Variants in GPC6 observed in about 807,000 individuals in gnomAD.
GPC6 encodes the protein glypican 6, also known as glypican-6.
GPC6 carries 14 observed loss-of-function variants against 55.2 expected under a neutral mutation model. The observed-to-expected ratio is 0.25, with a 90% CI of 0.17 to 0.40. GPC6 has a LOEUF of 0.40. GPC6 is among the 10% of genes least tolerant of loss of function. The probability of loss-of-function intolerance (pLI) is 1.00; values close to 1 mark genes in which losing one functional copy is unlikely to be tolerated. For missense variants in GPC6, 641 were observed against 708.5 expected, an observed-to-expected ratio of 0.90 and a Z score of 1.08; for synonymous variants, 278 against 259.6, an observed-to-expected ratio of 1.07 and a Z score of -0.68.
chr13:94,177,929 A>G lies in GPC6; in HGVS notation c.878-108420A>G, dbSNP rs147904201. Among the ~76,000 whole-genome samples the G allele has an allele frequency of 3.9e-3, 596 of 152,146 alleles. 1 individual carries two copies. Among genetic ancestry groups the G allele is most frequent in the South Asian group, 0.015 (72 of 4,824 alleles). ...AATACTTTTTATATTCTATCTGTCC[A>G]AATTTTCATGTTTTTTTCTTCCAAA... On this transcript the variant is annotated intron_variant, in intron 4 of 8. Transcript: ENST00000377047.
chr13:94,148,377 C>T (rs916318742), intron 4 of GPC6, among the ~76,000 whole-genome samples: 1 of 151,948 alleles, frequency 6.6e-6, no homozygotes, highest in Non-Finnish European at 1.5e-5. Flanking sequence ...ATGATTTTTA[C>T]CAGGAAAAAC....
At chr13:93,296,735 G>A (rs1878506892) in intron 1 of GPC6, among the ~76,000 whole-genome samples, 1 of 152,150 alleles carries the variant, frequency 6.6e-6, no homozygotes, top group South Asian at 2.1e-4. Context: ...ATTAAAAGAT[G>A]AGCTGGGCCA....
chr13:93,923,569 A>C (rs915021225), intron 3 of GPC6, among the ~76,000 whole-genome samples: 3 of 152,216 alleles, frequency 2.0e-5, no homozygotes, highest in Admixed American at 6.5e-5. Context: ...GTCTTAGCAG[A>C]CATAATACTT....
At chr13:93,391,991 G>A (rs1166101123) in intron 1 of GPC6, among the ~76,000 whole-genome samples, 1 of 152,114 alleles carries the variant, frequency 6.6e-6, no homozygotes, top group Non-Finnish European at 1.5e-5. Context: ...TCTTACAGAA[G>A]GTGTTCTGTT....
intron 2 of GPC6, among the ~76,000 whole-genome samples, chr13:93,648,247 T>C (rs1880262244): frequency 6.6e-6 from 1 of 152,092 alleles, no homozygotes; most frequent in Non-Finnish European, 1.5e-5. Context: ...TGCTAAGAGG[T>C]CATGGAGAAC....
intron 2 of GPC6, among the ~76,000 whole-genome samples, chr13:93,603,564 A>C: frequency 6.6e-6 from 1 of 152,156 alleles, no homozygotes; most frequent in Non-Finnish European, 1.5e-5. Context: ...AAGTTAAATA[A>C]TTTTTCTGAG....
At position 93,885,687 on chromosome 13, in the gene GPC6, T is replaced by C. The variant is rs1854732; in HGVS notation, c.711+55142T>C. On this transcript the variant is annotated intron_variant, in intron 3 of 8. Transcript: ENST00000377047. ...CCATGAGGTTTATGGTAATTCACTGTAGGTGTCAGAAAGAACTGGTTTACA... is the reference window on the plus strand; with the variant it reads ...CCATGAGGTTTATGGTAATTCACTGCAGGTGTCAGAAAGAACTGGTTTACA... Among the ~76,000 whole-genome samples, 502 of 148,120 alleles carry C rather than the reference T, an allele frequency of 3.4e-3. 2 individuals are homozygous for C. Among genetic ancestry groups the C allele is most frequent in the African/African-American group, 9.6e-3 (378 of 39,224 alleles).
chr13:93,455,525 G>A (rs908300140), intron 1 of GPC6, among the ~76,000 whole-genome samples: 8 of 151,964 alleles, frequency 5.3e-5, no homozygotes, highest in African/African-American at 1.9e-4. Flanking sequence ...AGAATAGAGA[G>A]GTGAGGAATA....
intron 7 of GPC6, among the ~76,000 whole-genome samples, chr13:94,386,498 G>A (rs1234971726): frequency 1.3e-5 from 2 of 152,190 alleles, no homozygotes; most frequent in African/African-American, 2.4e-5. Flanking sequence ...GCTGAGGCAG[G>A]AGGATCACTT....
chr13:93,509,583 A>G (rs915490832), intron 1 of GPC6, among the ~76,000 whole-genome samples: 2 of 152,202 alleles, frequency 1.3e-5, no homozygotes, highest in African/African-American at 4.8e-5. Context: ...CTTATTCATA[A>G]TGATGATTAT....
intron 2 of GPC6, among the ~76,000 whole-genome samples, chr13:93,765,231 A>G (rs9670810): frequency 7.0e-5 from 2 of 28,564 alleles, no homozygotes; most frequent in African/African-American, 3.0e-4. Context: ...AAAAAGATAA[A>G]TTGTCTGGAA....
chr13:94,338,767 T>C (rs1438252015), intron 6 of GPC6, among the ~76,000 whole-genome samples: 1 of 152,148 alleles, frequency 6.6e-6, no homozygotes, highest in Non-Finnish European at 1.5e-5. Context: ...AGTAAACCCA[T>C]GTAAAATGCC....
chr13:93,984,425 G>A (rs1880936408), intron 3 of GPC6, among the ~76,000 whole-genome samples: 1 of 152,186 alleles, frequency 6.6e-6, no homozygotes, highest in Non-Finnish European at 1.5e-5. Context: ...GAAATGAAAT[G>A]AAGATGGCAA....
At chr13:93,501,167 T>C (rs1594216805) in intron 1 of GPC6, among the ~76,000 whole-genome samples, 1 of 152,264 alleles carries the variant, frequency 6.6e-6, no homozygotes, top group Admixed American at 6.5e-5. Context: ...GGAGGATTGC[T>C]AAGCCTGAAA....
chr13:93,354,420 A>C (rs1314012301), intron 1 of GPC6, among the ~76,000 whole-genome samples: 2 of 138,432 alleles, frequency 1.4e-5, no homozygotes, highest in Admixed American at 1.6e-4. Context: ...GCGCGATCTC[A>C]GCTCACTGCA....
At chr13:93,278,964 T>C (rs1441088471) in intron 1 of GPC6, among the ~76,000 whole-genome samples, 2 of 152,200 alleles carry the variant, frequency 1.3e-5, no homozygotes, top group African/African-American at 4.8e-5. Context: ...CTAAAATATA[T>C]GCAACACTTA....
intron 4 of GPC6, among the ~76,000 whole-genome samples, chr13:94,099,688 T>G (rs1885788076): frequency 6.6e-6 from 1 of 152,168 alleles, no homozygotes; most frequent in African/African-American, 2.4e-5. Flanking sequence ...ATTGGAAGGC[T>G]GATGGAAGAT....
At chr13:94,327,340 A>G (rs1398075007) in intron 6 of GPC6, among the ~76,000 whole-genome samples, 3 of 152,084 alleles carry the variant, frequency 2.0e-5, no homozygotes, top group Non-Finnish European at 2.9e-5. Context: ...CTCATTGCAG[A>G]TGTTTTTCTC....
At chr13:93,329,304 C>T (rs560520841) in intron 1 of GPC6, among the ~76,000 whole-genome samples, 2 of 152,120 alleles carry the variant, frequency 1.3e-5, no homozygotes, top group Non-Finnish European at 2.9e-5. Flanking sequence ...GGCATTTAGG[C>T]AACAGCTTGT....
Sources: allele counts gnomAD v4.1 joint callset (sites outside exome capture counted in the v4.1 genomes callset), GRCh38; gene constraint gnomAD v4.1.1; transcripts MANE v1.5; gene names NCBI Gene and HGNC (gene_info 2026-07-23, HGNC 2026-07-21).